Variants in GPC6 observed in about 807,000 individuals in gnomAD.
GPC6 encodes glypican-6.
Under a neutral mutation model 55.2 loss-of-function variants are expected in GPC6, and 14 were observed. The observed-to-expected ratio is 0.25, with a 90% CI of 0.17 to 0.40. The LOEUF is 0.40. Ranked by LOEUF, GPC6 falls within the 10% of genes least tolerant of loss-of-function variation. The pLI, the probability that GPC6 is intolerant of heterozygous loss-of-function variation, is 1.00. For synonymous variants in GPC6, 278 were observed against 259.6 expected, an observed-to-expected ratio of 1.07 and a Z score of -0.68; for missense variants, 641 against 708.5, an observed-to-expected ratio of 0.90 and a Z score of 1.08.
At chr13:93,566,455 C>T (rs1876123709) in intron 2 of GPC6, among the ~76,000 whole-genome samples, 1 of 97,106 alleles carries the variant, frequency 1.0e-5, no homozygotes, top group African/African-American at 2.8e-5. Context: ...TCAGGGAATC[C>T]CTCCTTCTCT....
intron 1 of GPC6, among the ~76,000 whole-genome samples, chr13:93,338,367 A>G (rs1880117237): frequency 6.6e-6 from 1 of 152,184 alleles, no homozygotes; most frequent in African/African-American, 2.4e-5. Context: ...AAAATCAGGA[A>G]GTTTGGATTT....
At chr13:93,962,911 C>A (rs556450695) in intron 3 of GPC6, among the ~76,000 whole-genome samples, 1 of 152,112 alleles carries the variant, frequency 6.6e-6, no homozygotes, top group African/African-American at 2.4e-5. Flanking sequence ...ACCAAACTCT[C>A]AAATATTGTG....
At chr13:94,278,643 GA>G (rs1892282625) in intron 4 of GPC6, among the ~76,000 whole-genome samples, 2 of 152,182 alleles carry the variant, frequency 1.3e-5, no homozygotes, top group Admixed American at 1.3e-4. Context: ...TTTTTAACAT[GA>G]AGGGATGTTG....
At chr13:93,836,956 C>T (rs1252361602) in intron 3 of GPC6, among the ~76,000 whole-genome samples, 1 of 152,072 alleles carries the variant, frequency 6.6e-6, no homozygotes, top group African/African-American at 2.4e-5. Context: ...AGTTGAGTCT[C>T]CAGCAGTAAG....
chr13:93,224,236 C>G (rs1166504005), upstream of GPC6, among the ~76,000 whole-genome samples: 1 of 144,866 alleles, frequency 6.9e-6, no homozygotes, highest in African/African-American at 2.6e-5. Flanking sequence ...TTCTTGTTGC[C>G]CAGTCTGGAG....
chr13:93,944,554 A>G (rs1164017606), intron 3 of GPC6, among the ~76,000 whole-genome samples: 1 of 152,186 alleles, frequency 6.6e-6, no homozygotes, highest in Admixed American at 6.5e-5. Flanking sequence ...ATTTAAACAT[A>G]AGATACCTAC....
chr13:94,176,317 T>C (rs1888765988), intron 4 of GPC6, among the ~76,000 whole-genome samples: 1 of 152,094 alleles, frequency 6.6e-6, no homozygotes, highest in Non-Finnish European at 1.5e-5. Context: ...TAGGATCCCT[T>C]CTCTCCTGAG....
chr13:94,362,025 C>T (rs577673905), intron 6 of GPC6, among the ~76,000 whole-genome samples: 6 of 152,232 alleles, frequency 3.9e-5, no homozygotes, highest in African/African-American at 9.6e-5. Flanking sequence ...CATAGAAATA[C>T]AGAATTAAAT....
intron 2 of GPC6, among the ~76,000 whole-genome samples, chr13:93,810,010 T>C (rs1350502493): frequency 6.6e-6 from 1 of 152,128 alleles, no homozygotes; most frequent in Non-Finnish European, 1.5e-5. Context: ...TTCCTTGCTT[T>C]TCTCAGACAC....
chr13:93,217,789 G>A, the GPC6 span, among the ~76,000 whole-genome samples: 2 of 152,148 alleles, frequency 1.3e-5, no homozygotes, highest in South Asian at 2.1e-4. Context: ...GCCGGTACAT[G>A]TTTGTTTCCC....
At chr13:94,287,630 A>G (rs1892566687) in intron 5 of GPC6, among the ~76,000 whole-genome samples, 2 of 152,062 alleles carry the variant, frequency 1.3e-5, no homozygotes, top group African/African-American at 4.8e-5. Flanking sequence ...GGTTTTAATG[A>G]GCTCAGTGTA....
chr13:93,820,084 T>G (rs1485121095), intron 2 of GPC6, among the ~76,000 whole-genome samples: 1 of 152,218 alleles, frequency 6.6e-6, no homozygotes, highest in Non-Finnish European at 1.5e-5. Flanking sequence ...TTCAGCTGAC[T>G]GTAGTGGAAT....
At chr13:93,684,538 TAAAATGAATATTTTCTGCTGACTC>T (rs1881971897) in intron 2 of GPC6, among the ~76,000 whole-genome samples, 1 of 152,170 alleles carries the variant, frequency 6.6e-6, no homozygotes, top group East Asian at 1.9e-4. Context: ...TTATAAAGAT[TAAAATGAATATTTTCTGCTGACTC>T]AAATGTCATG....
intron 4 of GPC6, among the ~76,000 whole-genome samples, chr13:94,035,209 A>G (rs1883293502): frequency 6.6e-6 from 1 of 152,056 alleles, no homozygotes; most frequent in South Asian, 2.1e-4. Flanking sequence ...ACATGTTACA[A>G]TTTTCACTGT....
intron 4 of GPC6, among the ~76,000 whole-genome samples, chr13:94,036,990 G>A (rs1490317205): frequency 1.3e-5 from 2 of 151,906 alleles, no homozygotes; most frequent in Non-Finnish European, 2.9e-5. Context: ...TAAAATAGTT[G>A]AGTGTTCCAA....
At chr13:94,093,905 T>C (rs1013960848) in intron 4 of GPC6, among the ~76,000 whole-genome samples, 1 of 151,972 alleles carries the variant, frequency 6.6e-6, no homozygotes, top group Non-Finnish European at 1.5e-5. Flanking sequence ...AAGTTTAAGA[T>C]GATGCTAGCA....
At chr13:93,385,536 A>ACAGTGG (rs1475543073) in intron 1 of GPC6, among the ~76,000 whole-genome samples, 1 of 152,226 alleles carries the variant, frequency 6.6e-6, no homozygotes, top group East Asian at 1.9e-4. Flanking sequence ...AGGGCCCCGA[A>ACAGTGG]CAGTGGCAGT....
intron 6 of GPC6, among the ~76,000 whole-genome samples, chr13:94,369,853 C>T (rs1879461530): frequency 6.6e-6 from 1 of 152,026 alleles, no homozygotes; most frequent in African/African-American, 2.4e-5. Context: ...GTCCATGCCT[C>T]CTTTACTCTC....
intron 3 of GPC6, among the ~76,000 whole-genome samples, chr13:93,971,646 A>T (rs1468460871): frequency 6.6e-6 from 1 of 152,216 alleles, no homozygotes; most frequent in Non-Finnish European, 1.5e-5. Context: ...CTTTTCCTTT[A>T]AGGAAAGTGT....
Sources: allele counts gnomAD v4.1 joint callset (sites outside exome capture counted in the v4.1 genomes callset), GRCh38; gene constraint gnomAD v4.1.1; transcripts MANE v1.5; gene names NCBI Gene and HGNC (gene_info 2026-07-23, HGNC 2026-07-21).